The following KDM4B variants were observed in gnomAD, a reference collection of about 807,000 sequenced individuals.
The protein encoded by KDM4B is lysine demethylase 4B, also known as lysine-specific demethylase 4B.
KDM4B carries 32 observed loss-of-function variants against 125.2 expected under a neutral mutation model. That is an observed-to-expected ratio of 0.26 (90% CI 0.19 to 0.34). The LOEUF is 0.34. Ranked by LOEUF, KDM4B falls within the 10% of genes least tolerant of loss-of-function variation. The pLI is 1.00. For missense variants in KDM4B, 1,190 were observed against 1,577.7 expected, an observed-to-expected ratio of 0.75 and a Z score of 4.16; for synonymous variants, 721 against 677.9, an observed-to-expected ratio of 1.06 and a Z score of -0.99.
intron 6 of KDM4B, among the ~76,000 whole-genome samples, chr19:5,051,145 C>T (rs2037209878): frequency 6.6e-6 from 1 of 152,220 alleles, no homozygotes. Flanking sequence ...CCACATGCCC[C>T]TAGAAGAGAG....
chr19:5,121,208 C>T (rs1433913287), intron 11 of KDM4B, among the ~76,000 whole-genome samples: 1 of 152,106 alleles, frequency 6.6e-6, no homozygotes, highest in Non-Finnish European at 1.5e-5. Flanking sequence ...TGCCTGTGGG[C>T]CTGAGGCAAG....
chr19:5,064,066 G>T (rs958368793), intron 6 of KDM4B, among the ~76,000 whole-genome samples: 2 of 152,228 alleles, frequency 1.3e-5, no homozygotes, highest in Non-Finnish European at 2.9e-5. Flanking sequence ...GAGCCATCTT[G>T]CTGGGTCACA....
At chr19:5,099,053 A>G (rs2038881982) in intron 9 of KDM4B, among the ~76,000 whole-genome samples, 1 of 152,194 alleles carries the variant, frequency 6.6e-6, no homozygotes, top group African/African-American at 2.4e-5. Context: ...TGGCAGAGAT[A>G]CTTTCAGGGG....
chr19:5,110,822 A>G lies in KDM4B; in HGVS notation c.1115+4A>G. ...TGAAGGCCAAGCTCCTCCGCAGGTG[A>G]GTTGCCAAGGGACTGCCGCGTGACT... On this transcript the variant is annotated splice_donor_region_variant and intron_variant, in intron 10 of 22. Transcript: ENST00000159111. The G allele has an allele frequency of 6.4e-7, 1 of 1,567,220 alleles. No homozygotes were observed. The highest frequency in any genetic ancestry group is 8.6e-7 in the Non-Finnish European group (1 of 1,157,416).
At chr19:5,021,013 G>A (rs1232357727) in intron 2 of KDM4B, among the ~76,000 whole-genome samples, 3 of 152,096 alleles carry the variant, frequency 2.0e-5, no homozygotes, top group Non-Finnish European at 4.4e-5. Flanking sequence ...CGGACGTGGT[G>A]GCGTGTGCCT....
chr19:4,979,441 T>TGG (rs2034564250), intron 1 of KDM4B, among the ~76,000 whole-genome samples: 1 of 152,054 alleles, frequency 6.6e-6, no homozygotes, highest in Non-Finnish European at 1.5e-5. Flanking sequence ...GAGAGGAACT[T>TGG]GGGGGTGTGG....
At position 5,035,564 on chromosome 19, in the gene KDM4B, C is replaced by T. The variant is rs2036591390; in HGVS notation, c.141+2533C>T. Reference sequence around the variant, plus strand: ...TGGCACCTCCGCTTCGTCCCTCCCTCCCTCTGCCTCCTTGGCTGCCGCCTC... The same window carrying T: ...TGGCACCTCCGCTTCGTCCCTCCCTTCCTCTGCCTCCTTGGCTGCCGCCTC... On this transcript the variant is annotated intron_variant, in intron 3 of 22. Coordinates refer to ENST00000159111, the MANE Select transcript of KDM4B (RefSeq NM_015015.3). This position sits in a 1 kb window ranked among gnomAD's most constrained non-coding sequence, Gnocchi z 5.3. 6.6e-6 allele frequency among the ~76,000 whole-genome samples: 1 copy of T among 152,132 alleles called. No individual in the cohort carries two copies. Among genetic ancestry groups the T allele is most frequent in the South Asian group, 2.1e-4 (1 of 4,810 alleles).
intron 6 of KDM4B, among the ~76,000 whole-genome samples, chr19:5,060,435 A>AAAAAAAAG (rs2037553386): frequency 1.5e-5 from 1 of 68,808 alleles, no homozygotes; most frequent in African/African-American, 1.2e-4. Flanking sequence ...TCTGTCTCCA[A>AAAAAAAAG]AAAAAAAAAA....
At chr19:4,974,439 T>C (rs2034373017) in intron 1 of KDM4B, among the ~76,000 whole-genome samples, 2 of 149,480 alleles carry the variant, frequency 1.3e-5, no homozygotes, top group Admixed American at 1.3e-4. Context: ...AGTAAATAAA[T>C]ACATAAAATA....
chr19:5,123,775 T>G (rs759592576), intron 11 of KDM4B, among the ~76,000 whole-genome samples: 1 of 152,230 alleles, frequency 6.6e-6, no homozygotes, highest in Non-Finnish European at 1.5e-5. Flanking sequence ...GATAAGTTCC[T>G]GGGCTGGCTG....
intron 9 of KDM4B, among the ~76,000 whole-genome samples, chr19:5,105,521 C>A (rs985638193): frequency 1.3e-5 from 2 of 152,242 alleles, no homozygotes; most frequent in Admixed American, 6.5e-5. Context: ...CAGCCTTGAC[C>A]GCCTGGGCTC....
Position 5,144,425 on chromosome 19 carries a change from G to T in KDM4B, c.2901+13G>T, listed in dbSNP as rs1302676302. On this transcript the variant is annotated intron_variant, in intron 20 of 22. Coordinates refer to ENST00000159111, the MANE Select transcript of KDM4B (RefSeq NM_015015.3). ...TGAGAGCATCACGGTGAGCTGTGGGGTGGGGCAGGGGGCGGGGGGAGGCTG... is the reference window on the plus strand; with the variant it reads ...TGAGAGCATCACGGTGAGCTGTGGGTTGGGGCAGGGGGCGGGGGGAGGCTG... 4 of 1,552,832 alleles carry T rather than the reference G, an allele frequency of 2.6e-6. No homozygotes were observed. The highest frequency in any genetic ancestry group is 3.5e-6 in the Non-Finnish European group (4 of 1,147,242).
intron 9 of KDM4B, among the ~76,000 whole-genome samples, chr19:5,106,192 G>T (rs1041843709): frequency 2.6e-5 from 4 of 152,162 alleles, no homozygotes; most frequent in African/African-American, 9.7e-5. Context: ...ACACCTCCCT[G>T]TTGTGTGTCG....
chr19:5,131,644 G>GC, intron 12 of KDM4B, 99 bp downstream of exon 12: 1 of 583,672 alleles, frequency 1.7e-6, no homozygotes, highest in African/African-American at 2.7e-5. Flanking sequence ...GGCGGGGGAG[G>GC]GGGCAGGGAG....
chr19:5,137,831 A>G (rs2039676192), intron 17 of KDM4B, 131 bp from the exon 18 acceptor site: 1 of 1,034,612 alleles, frequency 9.7e-7, no homozygotes, highest in African/African-American at 1.6e-5. Flanking sequence ...GAGGAGGAGC[A>G]TACGCCTGCA....
In KDM4B at chr19:5,041,183, T is replaced by C; in HGVS notation, c.364T>C (p.Tyr122His). 6.2e-7 allele frequency: 1 copy of C among 1,612,976 alleles called. No homozygotes were observed. Among genetic ancestry groups the C allele is most frequent in the Non-Finnish European group, 8.5e-7 (1 of 1,179,226 alleles). The change falls in exon 5 of 23, where the codon TAC becomes CAC. Residue 122 changes from tyrosine (Y) to histidine (H), a missense_variant. Tyr to His is a moderately conservative substitution (Grantham distance 83). This residue lies in a region of KDM4B where 139 missense variants were observed against 248.3 expected (regional missense o/e 0.56). Transcript: ENST00000159111. ...GGACTTTGATGACCTTGAACGCAAA[T>C]ACTGGAAGAACCTCACCTTTGTCTC... is the stretch of plus-strand genomic sequence containing the variant. ...HQDFDDLERK[Y>H]WKNLTFVSPI...
At chr19:5,119,174 C>T (rs891125644) in intron 10 of KDM4B, 10 of 1,535,260 alleles carry the variant, frequency 6.5e-6, no homozygotes, top group African/African-American at 2.7e-5. Context: ...GAGAGGAAAC[C>T]AAGTCTAGAA....
At chr19:5,013,190 C>A (rs929702082) in intron 1 of KDM4B, among the ~76,000 whole-genome samples, 3 of 152,224 alleles carry the variant, frequency 2.0e-5, no homozygotes, top group African/African-American at 7.2e-5. Flanking sequence ...TGGTGGCTTC[C>A]ATGCCTTCTT....
chr19:5,137,414 G>A, intron 16 of KDM4B, 76 bp downstream of exon 16: 1 of 1,399,684 alleles, frequency 7.1e-7, no homozygotes, highest in Non-Finnish European at 9.8e-7. Context: ...GGTGACTTTG[G>A]GGCGTAGTCT....
Sources: allele counts gnomAD v4.1 joint callset (sites outside exome capture counted in the v4.1 genomes callset), GRCh38; gene constraint gnomAD v4.1.1; regional missense constraint gnomAD v4.1.1; non-coding constraint Gnocchi (gnomAD v3.1); transcripts MANE v1.5; gene names NCBI Gene and HGNC (gene_info 2026-07-23, HGNC 2026-07-21).